Variants in SH3GL2 observed in about 807,000 individuals in gnomAD.
The protein encoded by SH3GL2 is SH3 domain containing GRB2 like 2, endophilin A1.
Under a neutral mutation model 46.0 loss-of-function variants are expected in SH3GL2, and 24 were observed. The ratio of observed to expected loss-of-function variants is 0.52; its 90% CI spans 0.38 to 0.73. The LOEUF (loss-of-function observed/expected upper bound fraction) is 0.73. Among genes scored for constraint, SH3GL2 ranks in the 30% least tolerant of loss-of-function variants. The probability of loss-of-function intolerance (pLI) is 0.00; values close to 1 mark genes in which losing one functional copy is unlikely to be tolerated. For missense variants in SH3GL2, 413 were observed against 424.2 expected (o/e 0.97, Z 0.23); for synonymous variants, 196 against 147.1 (o/e 1.33, Z -2.40).
At chr9:17,628,110 G>A (rs1819326562) in intron 1 of SH3GL2, among the ~76,000 whole-genome samples, 1 of 152,142 alleles carries the variant, frequency 6.6e-6, no homozygotes, top group East Asian at 1.9e-4. Flanking sequence ...TGAGACCCTG[G>A]TGAAGCTACC....
At chr9:17,604,360 A>T (rs1818722501) in intron 1 of SH3GL2, among the ~76,000 whole-genome samples, 1 of 152,208 alleles carries the variant, frequency 6.6e-6, no homozygotes, top group Non-Finnish European at 1.5e-5. Flanking sequence ...TCAGTATCCT[A>T]TGAGGTTGTT....
chr9:17,784,853 C>G (rs943863784), intron 3 of SH3GL2, among the ~76,000 whole-genome samples: 30 of 152,096 alleles, frequency 2.0e-4, no homozygotes, highest in African/African-American at 6.8e-4. Flanking sequence ...ATTGAGACTA[C>G]AGGTGGGCAC....
intron 1 of SH3GL2, among the ~76,000 whole-genome samples, chr9:17,730,604 A>G (rs1169023051): frequency 6.6e-6 from 1 of 152,042 alleles, no homozygotes; most frequent in African/African-American, 2.4e-5. Context: ...GTTTGTCATA[A>G]ATAGCTCTTA....
chr9:17,608,428 C>G (rs564950837), intron 1 of SH3GL2, among the ~76,000 whole-genome samples: 1 of 152,224 alleles, frequency 6.6e-6, no homozygotes, highest in Non-Finnish European at 1.5e-5. Flanking sequence ...TTCCTCTTAA[C>G]GGTCAAATCT....
At chr9:17,738,120 C>T (rs1407174314) in intron 1 of SH3GL2, among the ~76,000 whole-genome samples, 2 of 152,096 alleles carry the variant, frequency 1.3e-5, no homozygotes, top group Non-Finnish European at 2.9e-5. Context: ...ACAGCATGTG[C>T]CTGTTTTATT....
At chr9:17,772,188 T>C (rs1823504086) in intron 3 of SH3GL2, among the ~76,000 whole-genome samples, 1 of 152,234 alleles carries the variant, frequency 6.6e-6, no homozygotes, top group African/African-American at 2.4e-5. Context: ...AGATGCTATT[T>C]ATTACATAAA....
chr9:17,752,641 G>T lies in SH3GL2; in HGVS notation c.114+5507G>T, dbSNP rs902977893. ...GCCTCTCAAGTAGCTAGGACTACCA[G>T]CACACACCACCATGCCTGCCTAATT... On this transcript the variant is annotated intron_variant, in intron 2 of 8. Coordinates refer to ENST00000380607, the MANE Select transcript of SH3GL2 (RefSeq NM_003026.5). Among the ~76,000 whole-genome samples, 7 of 152,150 alleles carry T rather than the reference G, an allele frequency of 4.6e-5. No homozygotes were observed. In the East Asian group the frequency reaches 7.7e-4, roughly 17 times the overall value.
At chr9:17,695,431 C>T (rs1821178724) in intron 1 of SH3GL2, among the ~76,000 whole-genome samples, 1 of 152,086 alleles carries the variant, frequency 6.6e-6, no homozygotes, top group South Asian at 2.1e-4. Context: ...AGCTTCTCTG[C>T]TCTGCACACA....
At chr9:17,669,278 G>A (rs78166081) in intron 1 of SH3GL2, among the ~76,000 whole-genome samples, 3 of 152,174 alleles carry the variant, frequency 2.0e-5, no homozygotes, top group African/African-American at 7.2e-5. Context: ...CAGTTTACTT[G>A]AACTCATTTA....
At chr9:17,705,793 C>T (rs570893697) in intron 1 of SH3GL2, among the ~76,000 whole-genome samples, 1 of 151,946 alleles carries the variant, frequency 6.6e-6, no homozygotes, top group African/African-American at 2.4e-5. Flanking sequence ...GACATTGGGA[C>T]CTACTCGAGG....
At chr9:17,584,371 C>T (rs961740740) in intron 1 of SH3GL2, among the ~76,000 whole-genome samples, 59 of 152,136 alleles carry the variant, frequency 3.9e-4, no homozygotes, top group Admixed American at 1.9e-3. Context: ...GGCGAGGTGG[C>T]AGGTGCCTGT....
chr9:17,741,799 G>A (rs79695520), intron 1 of SH3GL2, among the ~76,000 whole-genome samples: 17,933 of 152,146 alleles, frequency 0.12, 1,281 homozygotes, highest in Admixed American at 0.24. Context: ...ATGCTTAGCA[G>A]TTTTACTCAA....
At chr9:17,763,229 A>C (rs1823229638) in intron 3 of SH3GL2, among the ~76,000 whole-genome samples, 1 of 152,162 alleles carries the variant, frequency 6.6e-6, no homozygotes, top group South Asian at 2.1e-4. Context: ...AGTTTTCCTG[A>C]GTATAATGGA....
At chr9:17,727,773 C>T (rs916177796) in intron 1 of SH3GL2, among the ~76,000 whole-genome samples, 1 of 152,136 alleles carries the variant, frequency 6.6e-6, no homozygotes, top group African/African-American at 2.4e-5. Flanking sequence ...AGCCATTTTG[C>T]CTAACTTGGT....
chr9:17,579,708 G>C (rs1264460455), intron 1 of SH3GL2, among the ~76,000 whole-genome samples: 2 of 152,178 alleles, frequency 1.3e-5, no homozygotes, highest in Non-Finnish European at 2.9e-5. Context: ...GGATGTGTTG[G>C]CATGAGCGGT....
intron 1 of SH3GL2, among the ~76,000 whole-genome samples, chr9:17,638,194 A>G (rs1819590056): frequency 6.6e-6 from 1 of 152,086 alleles, no homozygotes; most frequent in Non-Finnish European, 1.5e-5. Flanking sequence ...CACTGATTTC[A>G]TAGCACTGAT....
At chr9:17,719,640 A>C (rs1003816491) in intron 1 of SH3GL2, among the ~76,000 whole-genome samples, 1 of 152,052 alleles carries the variant, frequency 6.6e-6, no homozygotes, top group Admixed American at 6.6e-5. Flanking sequence ...AAAATAAAAA[A>C]AATTTATCTT....
At chr9:17,606,415 T>C (rs1303193601) in intron 1 of SH3GL2, among the ~76,000 whole-genome samples, 1 of 152,106 alleles carries the variant, frequency 6.6e-6, no homozygotes, top group Non-Finnish European at 1.5e-5. Context: ...CCAAGGCCAA[T>C]TAAACCAGAA....
chr9:17,639,210 A>C (rs929532192), intron 1 of SH3GL2, among the ~76,000 whole-genome samples: 1 of 152,230 alleles, frequency 6.6e-6, no homozygotes, highest in Non-Finnish European at 1.5e-5. Flanking sequence ...AAAAGTGGTA[A>C]ATTTTAATCA....
Sources: allele counts gnomAD v4.1 joint callset (sites outside exome capture counted in the v4.1 genomes callset), GRCh38; gene constraint gnomAD v4.1.1; transcripts MANE v1.5; gene names NCBI Gene and HGNC (gene_info 2026-07-23, HGNC 2026-07-21).